Variants in MRC1 observed in about 807,000 individuals in gnomAD.
The protein encoded by MRC1 is mannose receptor C-type 1.
MRC1 carries 62 observed loss-of-function variants against 102.9 expected under a neutral mutation model. The ratio of observed to expected loss-of-function variants is 0.60; its 90% CI spans 0.49 to 0.74. The LOEUF is 0.74. Among genes scored for constraint, MRC1 ranks in the 30% least tolerant of loss-of-function variants. The probability of loss-of-function intolerance (pLI) is 0.00; values close to 1 mark genes in which losing one functional copy is unlikely to be tolerated. For synonymous variants in MRC1, 457 were observed against 298.4 expected, an observed-to-expected ratio of 1.53 and a Z score of -5.48; for missense variants, 1,237 against 862.8, an observed-to-expected ratio of 1.43 and a Z score of -5.43.
chr10:17,832,873 G>A (rs1274827198), intron 3 of MRC1, among the ~76,000 whole-genome samples: 2 of 152,128 alleles, frequency 1.3e-5, no homozygotes, highest in African/African-American at 2.4e-5. Context: ...ACAGGCGTGA[G>A]CCGCTGTGCC....
intron 24 of MRC1, among the ~76,000 whole-genome samples, chr10:17,898,735 G>A (rs1277730139): frequency 6.6e-6 from 1 of 152,146 alleles, no homozygotes; most frequent in Admixed American, 6.5e-5. Flanking sequence ...ATATTTCATT[G>A]CAGTCAGTTC....
chr10:17,849,091 T>C (rs1476591223), intron 6 of MRC1, among the ~76,000 whole-genome samples: 1 of 149,446 alleles, frequency 6.7e-6, no homozygotes, highest in Non-Finnish European at 1.5e-5. Context: ...AAGATTTAGA[T>C]AATCTAATAT....
intron 21 of MRC1, 134 bp downstream of exon 21, chr10:17,881,315 G>C: frequency 1.5e-6 from 1 of 677,822 alleles, no homozygotes; most frequent in Non-Finnish European, 2.7e-6. Flanking sequence ...AAAATCAAAT[G>C]CTTATTGAAA....
At chr10:17,852,655 G>C (rs1320615294) in intron 7 of MRC1, among the ~76,000 whole-genome samples, 1 of 152,142 alleles carries the variant, frequency 6.6e-6, no homozygotes, top group Non-Finnish European at 1.5e-5. Context: ...CATAGTAATA[G>C]ACCTACCTCA....
In MRC1 at chr10:17,822,275, C is replaced by G. The variant is rs560160760; in HGVS notation, c.62-799C>G. ...GATTTTTCCTTTATTGCAAACTTCA[C>G]TATTAAATTATTAACAAATAATACC... is the stretch of plus-strand genomic sequence containing the variant. On this transcript the variant is annotated intron_variant, in intron 1 of 29. Coordinates refer to ENST00000569591, the MANE Select transcript of MRC1 (RefSeq NM_002438.4). Among the ~76,000 whole-genome samples, 4 of 152,264 alleles carry G rather than the reference C, an allele frequency of 2.6e-5. No individual in the cohort carries two copies. In the East Asian group the frequency reaches 5.8e-4, roughly 22 times the overall value.
At chr10:17,887,970 T>G (rs1458405465) in intron 22 of MRC1, among the ~76,000 whole-genome samples, 1 of 151,904 alleles carries the variant, frequency 6.6e-6, no homozygotes, top group Non-Finnish European at 1.5e-5. Context: ...ACCTGGCTAA[T>G]TTTTTTTGTA....
intron 1 of MRC1, among the ~76,000 whole-genome samples, chr10:17,812,155 G>A (rs1838233078): frequency 1.3e-5 from 2 of 152,174 alleles, no homozygotes; most frequent in East Asian, 1.9e-4. Flanking sequence ...TGCTGCCAAC[G>A]GATGGGCTGG....
chr10:17,874,086 A>G (rs1564621517), intron 16 of MRC1, among the ~76,000 whole-genome samples: 2 of 152,314 alleles, frequency 1.3e-5, no homozygotes, highest in South Asian at 2.1e-4. Context: ...TAGCACATAT[A>G]TTAGTGTCCA....
At chr10:17,879,520 AT>A (rs1335359817) in intron 18 of MRC1, among the ~76,000 whole-genome samples, 200 bp from the exon 19 acceptor site, 9 of 151,680 alleles carry the variant, frequency 5.9e-5, no homozygotes, top group African/African-American at 1.7e-4. Flanking sequence ...TGCCTGGCTA[AT>A]TTTTTTTTAA....
rs950193046 is a variant in MRC1, at chr10:17,862,193, G to A, written c.1634+691G>A. On this transcript the variant is annotated intron_variant, in intron 10 of 29. Transcript: ENST00000569591. ...ATTTACTGGACTTTCGAGGCAGACC[G>A]AATAAAATGTAAGGGATACTGTTGA... 7.1e-3 allele frequency among the ~76,000 whole-genome samples: 1,077 copies of A among 152,018 alleles called. 4 individuals are homozygous for A. Among genetic ancestry groups the A allele is most frequent in the Non-Finnish European group, 8.6e-3 (585 of 67,910 alleles).
In MRC1 at chr10:17,894,222, G is replaced by A. The variant is rs1020668021; in HGVS notation, c.3160G>A (p.Val1054Ile). 57 of 872,406 alleles carry A rather than the reference G, an allele frequency of 6.5e-5. No homozygotes were observed. Among genetic ancestry groups the A allele is most frequent in the Non-Finnish European group, 9.8e-5 (49 of 501,486 alleles). 54.0% of individuals were successfully genotyped at this position (872,406 alleles called of 1,614,324 possible). ...SLSYEDADCV[V>I]IIGGASNEAG... ...CATAAATATACAGGCTGACTGTGTT[G>A]TTATTATTGGAGGTGCATCAAATGA... Residue 1054 changes from valine to isoleucine, a missense_variant, in exon 23 of 30, where the codon GTT becomes ATT. Physicochemically the swap from Val to Ile is conservative, Grantham distance 29 (BLOSUM62 3). Coordinates refer to ENST00000569591, the MANE Select transcript of MRC1 (RefSeq NM_002438.4).
At chr10:17,867,857 T>A (rs1360554492) in intron 12 of MRC1, among the ~76,000 whole-genome samples, 1 of 152,232 alleles carries the variant, frequency 6.6e-6, no homozygotes, top group Non-Finnish European at 1.5e-5. Flanking sequence ...ACATAAGTAT[T>A]CTAAAGAGAG....
intron 22 of MRC1, among the ~76,000 whole-genome samples, 156 bp downstream of exon 22, chr10:17,885,591 G>C (rs939314663): frequency 2.6e-5 from 4 of 152,182 alleles, no homozygotes; most frequent in Non-Finnish European, 5.9e-5. Context: ...CTGACTTTGA[G>C]AGAGGGAGTA....
chr10:17,824,622 G>A lies in MRC1; in HGVS notation c.463+1147G>A, dbSNP rs1838445903. 2.6e-5 allele frequency among the ~76,000 whole-genome samples: 4 copies of A among 152,176 alleles called. No homozygotes were observed. In the South Asian group the frequency reaches 8.3e-4, roughly 32 times the overall value. ...TAATATAGGTTTAGAAGTGATATGA[G>A]GGGCAAGCTAAGTGAACACAAAAAA... On this transcript the variant is annotated intron_variant, in intron 2 of 29. Transcript: ENST00000569591.
intron 3 of MRC1, among the ~76,000 whole-genome samples, chr10:17,830,256 T>C (rs1838548833): frequency 6.6e-6 from 1 of 151,100 alleles, no homozygotes; most frequent in Admixed American, 6.6e-5. Flanking sequence ...CTCAGCCTCC[T>C]GAGTAGCTGG....
At chr10:17,831,602 G>A (rs1484032991) in intron 3 of MRC1, among the ~76,000 whole-genome samples, 2 of 151,352 alleles carry the variant, frequency 1.3e-5, no homozygotes, top group African/African-American at 4.9e-5. Context: ...TGTAGGCTAT[G>A]TGCTTATGGA....
chr10:17,834,435 G>A (rs1295712425), intron 4 of MRC1, among the ~76,000 whole-genome samples: 20 of 152,146 alleles, frequency 1.3e-4, no homozygotes, highest in Admixed American at 7.2e-4. Flanking sequence ...GTTTTGAGAC[G>A]GAGTTTCCCT....
chr10:17,871,025 G>C, intron 14 of MRC1, 90 bp downstream of exon 14: 2 of 796,950 alleles, frequency 2.5e-6, no homozygotes, highest in Admixed American at 3.7e-5. Flanking sequence ...CTTTTAATAA[G>C]ACAGTTCATT....
At chr10:17,869,483 G>A (rs1319496323) in intron 12 of MRC1, among the ~76,000 whole-genome samples, 8 of 152,064 alleles carry the variant, frequency 5.3e-5, no homozygotes, top group African/African-American at 1.2e-4. Context: ...GAGGAGTAAC[G>A]CATGAGAATT....
Sources: allele counts gnomAD v4.1 joint callset (sites outside exome capture counted in the v4.1 genomes callset), GRCh38; gene constraint gnomAD v4.1.1; transcripts MANE v1.5; gene names NCBI Gene and HGNC (gene_info 2026-07-23, HGNC 2026-07-21).